The following SLC37A1 variants were observed in gnomAD, a reference collection of about 807,000 sequenced individuals.
SLC37A1 encodes solute carrier family 37 member 1, also known as glucose-6-phosphate exchanger SLC37A1.
SLC37A1 carries 49 observed loss-of-function variants against 75.3 expected under a neutral mutation model. The observed-to-expected ratio is 0.65, with a 90% CI of 0.52 to 0.83. The LOEUF (loss-of-function observed/expected upper bound fraction) is 0.83, where lower values mean the gene tolerates loss of function less well. SLC37A1 is among the 40% of genes least tolerant of loss of function. The pLI, the probability that SLC37A1 is intolerant of heterozygous loss-of-function variation, is 0.00. For missense variants in SLC37A1, 566 were observed against 695.0 expected (o/e 0.81, Z 2.09); for synonymous variants, 268 against 292.1 (o/e 0.92, Z 0.84).
chr21:42,535,910 C>A (rs2055125425), intron 5 of SLC37A1, among the ~76,000 whole-genome samples: 1 of 152,258 alleles, frequency 6.6e-6, no homozygotes, highest in Non-Finnish European at 1.5e-5. Flanking sequence ...CAGAGCCCAA[C>A]CTCTCCTGTG....
chr21:42,530,844 G>A (rs114586909), intron 3 of SLC37A1, among the ~76,000 whole-genome samples: 41 of 152,262 alleles, frequency 2.7e-4, no homozygotes, highest in African/African-American at 9.6e-4. Flanking sequence ...CAGAGAATGT[G>A]TCGCGTGGCT....
chr21:42,570,066 C>CATTGCCATGTCATGTGACACACGGCCTG (rs1569040633), intron 17 of SLC37A1, among the ~76,000 whole-genome samples: 2 of 142,834 alleles, frequency 1.4e-5, no homozygotes, highest in African/African-American at 5.5e-5. Context: ...GCAGGGTGGC[C>CATTGCCATGTCATGTGACACACGGCCTG]GTTGCCATGT....
intron 16 of SLC37A1, among the ~76,000 whole-genome samples, chr21:42,567,602 T>C (rs1384044030): frequency 6.6e-6 from 1 of 152,260 alleles, no homozygotes; most frequent in Non-Finnish European, 1.5e-5. Context: ...ACTTATTTTT[T>C]AGACTTCAAA....
intron 7 of SLC37A1, 31 bp downstream of exon 7, chr21:42,542,511 A>G (rs2055309298): frequency 1.2e-6 from 2 of 1,607,318 alleles, no homozygotes; most frequent in African/African-American, 2.7e-5. Context: ...TTCCAATAGC[A>G]GATGAAAACT....
intron 17 of SLC37A1, 59 bp downstream of exon 17, chr21:42,568,497 C>T: frequency 6.6e-7 from 1 of 1,521,498 alleles, no homozygotes; most frequent in Non-Finnish European, 9.0e-7. Flanking sequence ...CACATTGTCA[C>T]ATGCTCGTGA....
upstream of SLC37A1, chr21:42,509,781 G>C (rs2146682807): frequency 6.6e-6 from 1 of 152,322 alleles, no homozygotes; most frequent in East Asian, 1.9e-4. This position sits in a 1 kb window ranked among gnomAD's most constrained non-coding sequence, Gnocchi z 4.2. Flanking sequence ...GAGATAAAAT[G>C]AGTTTCTTTT....
intron 10 of SLC37A1, among the ~76,000 whole-genome samples, chr21:42,557,268 G>A (rs1051375031): frequency 6.6e-6 from 1 of 152,238 alleles, no homozygotes; most frequent in South Asian, 2.1e-4. Context: ...AGTGGAACTC[G>A]CCTGGGGCTG....
intron 5 of SLC37A1, 78 bp from the exon 6 acceptor site, chr21:42,539,434 G>A (rs1391094565): frequency 1.3e-5 from 19 of 1,493,878 alleles, no homozygotes; most frequent in Middle Eastern, 2.4e-4. Flanking sequence ...GAAAGCATCC[G>A]GCAAGAAACA....
chr21:42,528,215 C>CGAT (rs1326877937), intron 3 of SLC37A1, among the ~76,000 whole-genome samples: 1 of 152,110 alleles, frequency 6.6e-6, no homozygotes, highest in African/African-American at 2.4e-5. Flanking sequence ...GTATTTTTCT[C>CGAT]GATGATGATG....
At chr21:42,563,679 A>T in intron 12 of SLC37A1, 136 bp from the exon 13 acceptor site, 1 of 707,230 alleles carries the variant, frequency 1.4e-6, no homozygotes, top group Non-Finnish European at 2.5e-6. Flanking sequence ...ATCTGAGTTA[A>T]CTACTAATTG....
intron 9 of SLC37A1, among the ~76,000 whole-genome samples, chr21:42,550,573 TG>T (rs1345442869): frequency 2.6e-5 from 4 of 152,012 alleles, no homozygotes; most frequent in Non-Finnish European, 5.9e-5. Context: ...AAAATAAAAG[TG>T]GGGGGAAACT....
Position 42,515,280 on chromosome 21 carries a change from A to T in SLC37A1, c.-179+563A>T, listed in dbSNP as rs563595267. 5.3e-5 allele frequency among the ~76,000 whole-genome samples: 8 copies of T among 152,228 alleles called. No individual in the cohort carries two copies. The South Asian group carries it at 1.7e-3, about 32-fold the overall frequency. ...GAAGTTGTATTCTATCTCGTAATTT[A>T]AAAAAAAGAAAAGAAAAAATGCATG... On this transcript the variant is annotated intron_variant, in intron 1 of 19. Transcript: ENST00000352133.
In SLC37A1 at chr21:42,540,935, T is replaced by A. The variant is rs907358920; in HGVS notation, c.486+1288T>A. Among the ~76,000 whole-genome samples the A allele has an allele frequency of 3.9e-5, 6 of 152,222 alleles. No individual in the cohort carries two copies. The East Asian group carries it at 1.2e-3, about 29-fold the overall frequency. On this transcript the variant is annotated intron_variant, in intron 6 of 19. Coordinates refer to ENST00000352133, the MANE Select transcript of SLC37A1 (RefSeq NM_001320537.2). ...TTTCTGGAGTGAAGGCCCAGCCCGG[T>A]CAGCCCAGAGGCAGCAACAGTTAGA... is the stretch of plus-strand genomic sequence containing the variant.
At position 42,562,495 on chromosome 21, in the gene SLC37A1, G is replaced by A. The variant is rs554807058; in HGVS notation, c.1072+327G>A. On this transcript the variant is annotated intron_variant, in intron 12 of 19. Transcript: ENST00000352133. ...TGAACTTTGGATCATAGCAGCCAGT[G>A]AGCAGAAGCAGAGCCTTTGGGGACC... is the stretch of plus-strand genomic sequence containing the variant. Among the ~76,000 whole-genome samples, 169 of 152,298 alleles carry A rather than the reference G, an allele frequency of 1.1e-3. 2 individuals carry two copies. The highest frequency in any genetic ancestry group is 3.7e-3 in the African/African-American group (154 of 41,552).
intron 2 of SLC37A1, among the ~76,000 whole-genome samples, 183 bp from the exon 3 acceptor site, chr21:42,525,593 C>T (rs2839539): frequency 0.42 from 63,257 of 152,122 alleles, 13,950 homozygotes; most frequent in Admixed American, 0.6. Context: ...TCCATTTGGA[C>T]AAAGCAAACG....
Position 42,525,773 on chromosome 21 carries a change from C to A in SLC37A1, c.57-3C>A. On this transcript the variant is annotated splice_polypyrimidine_tract_variant and splice_region_variant and intron_variant, in intron 2 of 19. Coordinates refer to ENST00000352133, the MANE Select transcript of SLC37A1 (RefSeq NM_001320537.2). The stretch of plus-strand genomic sequence containing the variant: ...CATCCTCTCCCACTGTTTTGTGTTT[C>A]AGGTACAGAGCCTTCATTTTTATTT... 6.2e-7 allele frequency: 1 copy of A among 1,611,464 alleles called. No individual in the cohort carries two copies. The highest frequency in any genetic ancestry group is 1.1e-5 in the South Asian group (1 of 90,990).
chr21:42,530,255 A>G (rs2054913706), intron 3 of SLC37A1, among the ~76,000 whole-genome samples: 1 of 152,192 alleles, frequency 6.6e-6, no homozygotes, highest in Admixed American at 6.5e-5. Context: ...TTTGAGAAGT[A>G]AACAATGACC....
chr21:42,528,660 T>C (rs150523639), intron 3 of SLC37A1, among the ~76,000 whole-genome samples: 229 of 152,080 alleles, frequency 1.5e-3, no homozygotes, highest in African/African-American at 5.3e-3. Context: ...ACCCTATCTA[T>C]ACTAAAAATA....
At chr21:42,570,279 CCGTTGT>C in intron 17 of SLC37A1, among the ~76,000 whole-genome samples, 1 of 58,674 alleles carries the variant, frequency 1.7e-5, no homozygotes, top group Non-Finnish European at 3.7e-5. Context: ...GGCAGGGTGG[CCGTTGT>C]CATGCGACAC....
Sources: gnomAD v4.1 joint callset for allele counts (sites outside exome capture counted in the v4.1 genomes callset) on GRCh38, gnomAD v4.1.1 for gene constraint, Gnocchi (gnomAD v3.1) non-coding constraint, MANE v1.5 for transcripts, NCBI Gene and HGNC (gene_info 2026-07-23, HGNC 2026-07-21) for gene names.